Variants in DHRS3 observed in about 807,000 individuals in gnomAD.
DHRS3 encodes short-chain dehydrogenase/reductase 3.
Under a neutral mutation model 27.2 loss-of-function variants are expected in DHRS3, and 14 were observed. The observed-to-expected ratio is 0.52, with a 90% CI of 0.34 to 0.81. The LOEUF (loss-of-function observed/expected upper bound fraction) is 0.81, where lower values mean the gene tolerates loss of function less well. Among genes scored for constraint, DHRS3 ranks in the 30% least tolerant of loss-of-function variants. The pLI is 0.01. For missense variants in DHRS3, 322 were observed against 406.2 expected (o/e 0.79, Z 1.78); for synonymous variants, 165 against 175.9 (o/e 0.94, Z 0.49).
At chr1:12,598,351 A>G (rs1646812689) in intron 1 of DHRS3, among the ~76,000 whole-genome samples, 1 of 152,012 alleles carries the variant, frequency 6.6e-6, no homozygotes, top group Non-Finnish European at 1.5e-5. Flanking sequence ...CTCCAGCCTG[A>G]GTGATGGAGT....
Position 12,617,788 on chromosome 1 carries a change from TAAAAAAAAAAAAAAA to T in DHRS3, c.-455_-441del, listed in dbSNP as rs891272993. 8 of 3,072 alleles carry T rather than the reference TAAAAAAAAAAAAAAA, an allele frequency of 2.6e-3. No individual in the cohort carries two copies. Among genetic ancestry groups the T allele is most frequent in the African/African-American group, 0.012 (8 of 676 alleles). The allele number at this position is 3,072 out of a possible 1,614,324, so 0.2% of individuals were successfully genotyped here. ...GTCCCGCGGTTTCAAAGTGCAAGAT[TAAAAAAAAAAAAAAA>T]AAAAAAAAAAAAGCTGATTCCAAAT... On this transcript the variant is annotated 5_prime_UTR_variant, in exon 1 of 6. Transcript: ENST00000616661.
At chr1:12,583,317 C>CTCCCTTCA in intron 1 of DHRS3, among the ~76,000 whole-genome samples, 1 of 143,142 alleles carries the variant, frequency 7.0e-6, no homozygotes, top group Non-Finnish European at 1.6e-5. Flanking sequence ...ACCTACCCTA[C>CTCCCTTCA]TCCATTCATC....
Position 12,591,552 on chromosome 1 carries a change from G to A in DHRS3, c.196-10886C>T, listed in dbSNP as rs1233833159. 3.3e-5 allele frequency among the ~76,000 whole-genome samples: 5 copies of A among 152,242 alleles called. No individual in the cohort carries two copies. The highest frequency in any genetic ancestry group is 7.3e-5 in the Non-Finnish European group (5 of 68,046). On this transcript the variant is annotated intron_variant, in intron 1 of 5. Transcript: ENST00000616661. This position sits in a 1 kb window ranked among gnomAD's most constrained non-coding sequence, Gnocchi z 4.1. ...CGGACGTCCAGCCTGGAACTGGCCC[G>A]CTTGGGAGGCACAGGAATGACAGTA...
At chr1:12,603,388 G>T (rs1431802416) in intron 1 of DHRS3, among the ~76,000 whole-genome samples, 1 of 152,164 alleles carries the variant, frequency 6.6e-6, no homozygotes, top group African/African-American at 2.4e-5. Flanking sequence ...TTAAAACAAT[G>T]ACTTTCTTTC....
At chr1:12,616,584 C>T (rs1181588748) in intron 1 of DHRS3, 3 of 986,288 alleles carry the variant, frequency 3.0e-6, no homozygotes, top group East Asian at 2.3e-4. Flanking sequence ...TCCTGCTTTC[C>T]AAACACCTGG....
Position 12,618,110 on chromosome 1 carries a change from C to T in DHRS3, c.-762G>A, listed in dbSNP as rs1202212756. ...TGTTCCAGCAGAGGCTGGGAGTTGC[C>T]GCTCGATCCAGCTCCCCTTCTCTCC... is the stretch of plus-strand genomic sequence containing the variant. On this transcript the variant is annotated 5_prime_UTR_variant, in exon 1 of 6. Transcript: ENST00000616661. The surrounding 1 kb of genome is among the most constrained non-coding windows in gnomAD (Gnocchi z 4.2). Among the ~76,000 whole-genome samples the T allele has an allele frequency of 6.6e-6, 1 of 152,030 alleles. No homozygotes were observed.
intron 1 of DHRS3, among the ~76,000 whole-genome samples, chr1:12,615,440 C>A (rs1269772207): frequency 1.3e-5 from 2 of 152,140 alleles, no homozygotes; most frequent in African/African-American, 4.8e-5. Context: ...GTTCCCGGTG[C>A]GTGAACTTGC....
intron 4 of DHRS3, among the ~76,000 whole-genome samples, chr1:12,573,153 G>A (rs979044207): frequency 4.6e-5 from 7 of 151,922 alleles, no homozygotes; most frequent in Non-Finnish European, 5.9e-5. Context: ...ATGGCCCTGC[G>A]TAATCTGGGC....
chr1:12,604,284 ACT>A (rs541570997), intron 1 of DHRS3, among the ~76,000 whole-genome samples: 142 of 151,990 alleles, frequency 9.3e-4, no homozygotes, highest in African/African-American at 3.2e-3. Flanking sequence ...GCTGTCACTC[ACT>A]CTCTCCTCTG....
intron 1 of DHRS3, among the ~76,000 whole-genome samples, chr1:12,584,247 A>G (rs1189962656): frequency 6.6e-6 from 1 of 152,050 alleles, no homozygotes; most frequent in Non-Finnish European, 1.5e-5. Flanking sequence ...ACAAGTGGTC[A>G]CCCCAGCACT....
intron 1 of DHRS3, among the ~76,000 whole-genome samples, chr1:12,613,431 TACAG>T (rs912071010): frequency 5.3e-5 from 8 of 152,208 alleles, no homozygotes; most frequent in Middle Eastern, 3.2e-3. Flanking sequence ...TACATTTTCT[TACAG>T]GCCCAGAGCT....
chr1:12,598,124 A>C (rs1646811161), intron 1 of DHRS3, among the ~76,000 whole-genome samples: 1 of 152,254 alleles, frequency 6.6e-6, no homozygotes, highest in African/African-American at 2.4e-5. Flanking sequence ...TCCAGTCTCT[A>C]CATGTGCAGG....
Position 12,568,220 on chromosome 1 carries a change from G to C in DHRS3, c.*120C>G. On this transcript the variant is annotated 3_prime_UTR_variant, in exon 6 of 6. Transcript: ENST00000616661. The stretch of plus-strand genomic sequence containing the variant: ...CCAGGGGCAGCCGGATTCTTCGCTG[G>C]GGACAGGAGCTGTCCTGCTCACCCA... 2 of 959,590 alleles carry C rather than the reference G, an allele frequency of 2.1e-6. No individual in the cohort carries two copies. The highest frequency in any genetic ancestry group is 3.3e-6 in the Non-Finnish European group (2 of 606,286). 59.4% of individuals were successfully genotyped at this position (959,590 alleles called of 1,614,324 possible).
chr1:12,574,898 G>T lies in DHRS3; in HGVS notation c.699-2045C>A, dbSNP rs576792924. On this transcript the variant is annotated intron_variant, in intron 4 of 5. Transcript: ENST00000616661. The surrounding 1 kb of genome is among the most constrained non-coding windows in gnomAD (Gnocchi z 4.6). ...TATGTGGACTTGGGCAGGTAACTTT[G>T]CTTCTCTGAGCCTCAGTTCCCTCAT... Among the ~76,000 whole-genome samples, 1 of 152,172 alleles carries T rather than the reference G, an allele frequency of 6.6e-6. No individual in the cohort carries two copies. The highest frequency in any genetic ancestry group is 1.5e-5 in the Non-Finnish European group (1 of 68,028).
At chr1:12,572,148 C>G (rs899474608) in intron 5 of DHRS3, among the ~76,000 whole-genome samples, 1 of 151,946 alleles carries the variant, frequency 6.6e-6, no homozygotes, top group Non-Finnish European at 1.5e-5. Flanking sequence ...CAAATGTATA[C>G]AACTTACAAC....
intron 1 of DHRS3, among the ~76,000 whole-genome samples, chr1:12,613,534 C>T (rs1048317089): frequency 3.3e-5 from 5 of 152,162 alleles, no homozygotes; most frequent in African/African-American, 1.2e-4. Flanking sequence ...CTTGGGCTGG[C>T]CCCAGGGCTA....
At chr1:12,585,908 C>T (rs754436655) in intron 1 of DHRS3, among the ~76,000 whole-genome samples, 6 of 152,206 alleles carry the variant, frequency 3.9e-5, no homozygotes, top group Non-Finnish European at 8.8e-5. Context: ...TTAGTGAACT[C>T]GGGACAGGCA....
chr1:12,596,141 C>T (rs1458927072), intron 1 of DHRS3: 1 of 152,298 alleles, frequency 6.6e-6, no homozygotes, highest in African/African-American at 2.4e-5. Context: ...TTGCAACACG[C>T]AGCCAGTCTG....
At chr1:12,606,183 A>T (rs1047721233) in intron 1 of DHRS3, among the ~76,000 whole-genome samples, 1 of 151,644 alleles carries the variant, frequency 6.6e-6, no homozygotes, top group African/African-American at 2.4e-5. Flanking sequence ...TAATAAATGG[A>T]TAACTTGTTA....
Sources: gnomAD v4.1 joint callset for allele counts (sites outside exome capture counted in the v4.1 genomes callset) on GRCh38, gnomAD v4.1.1 for gene constraint, Gnocchi (gnomAD v3.1) non-coding constraint, MANE v1.5 for transcripts, NCBI Gene and HGNC (gene_info 2026-07-23, HGNC 2026-07-21) for gene names.